TMEM131: variants seen among roughly 807,000 people sequenced by gnomAD.
The protein encoded by TMEM131 is 2610524E03Rik.
A neutral mutation model predicts 211.6 loss-of-function variants in TMEM131; 66 were observed. That is an observed-to-expected ratio of 0.31 (90% CI 0.26 to 0.38). The LOEUF (loss-of-function observed/expected upper bound fraction) is 0.38, where lower values mean the gene tolerates loss of function less well. Ranked by LOEUF, TMEM131 falls within the 10% of genes least tolerant of loss-of-function variation. The pLI, the probability that TMEM131 is intolerant of heterozygous loss-of-function variation, is 1.00. For missense variants in TMEM131, 2,036 were observed against 2,299.3 expected, an observed-to-expected ratio of 0.89 and a Z score of 2.34; for synonymous variants, 844 against 841.3, an observed-to-expected ratio of 1.00 and a Z score of -0.06.
chr2:97,774,399 A>C (rs1418315248), intron 32 of TMEM131, among the ~76,000 whole-genome samples: 1 of 152,266 alleles, frequency 6.6e-6, no homozygotes, highest in Non-Finnish European at 1.5e-5. Context: ...TTAGCTGGGA[A>C]GAAAATACAC....
chr2:97,923,411 C>T (rs978055053), intron 2 of TMEM131, among the ~76,000 whole-genome samples: 5 of 151,736 alleles, frequency 3.3e-5, no homozygotes, highest in Non-Finnish European at 7.4e-5. Flanking sequence ...CTGCTTGAGC[C>T]CAGGAGTTTG....
At chr2:97,932,648 A>T (rs1291231488) in intron 1 of TMEM131, among the ~76,000 whole-genome samples, 2 of 152,184 alleles carry the variant, frequency 1.3e-5, no homozygotes, top group African/African-American at 2.4e-5. Flanking sequence ...TAAGTCATCT[A>T]AAAAGATCTG....
intron 8 of TMEM131, among the ~76,000 whole-genome samples, chr2:97,835,240 G>C (rs749453126): frequency 6.6e-6 from 1 of 152,166 alleles, no homozygotes; most frequent in African/African-American, 2.4e-5. Flanking sequence ...TACAAAATCA[G>C]TTATTTTTTA....
In TMEM131 at chr2:97,885,498, G is replaced by T. The variant is rs1374049895; in HGVS notation, c.359+2554C>A. ...CCACCGCGCCCGGCCGTTTGTGAAAGATTTTAATTCTTTTTTATTTCTGAA... is the reference window on the plus strand; with the variant it reads ...CCACCGCGCCCGGCCGTTTGTGAAATATTTTAATTCTTTTTTATTTCTGAA... On this transcript the variant is annotated intron_variant, in intron 4 of 40. Transcript: ENST00000186436. Among the ~76,000 whole-genome samples, 6 of 152,292 alleles carry T rather than the reference G, an allele frequency of 3.9e-5. No individual in the cohort carries two copies. In the South Asian group the frequency reaches 8.3e-4, roughly 21 times the overall value.
At chr2:97,776,207 C>G (rs1679720320) in intron 31 of TMEM131, among the ~76,000 whole-genome samples, 189 bp from the exon 32 acceptor site, 3 of 152,102 alleles carry the variant, frequency 2.0e-5, no homozygotes, top group Non-Finnish European at 4.4e-5. Flanking sequence ...GCGCCCGCCA[C>G]CATGCCCAGC....
chr2:97,922,444 C>T (rs1451378806), intron 2 of TMEM131, among the ~76,000 whole-genome samples: 1 of 152,034 alleles, frequency 6.6e-6, no homozygotes, highest in East Asian at 1.9e-4. Context: ...TTATTCTTAA[C>T]AGCAAAAAAC....
chr2:97,911,131 A>C (rs1676275106), intron 2 of TMEM131, among the ~76,000 whole-genome samples: 2 of 152,316 alleles, frequency 1.3e-5, no homozygotes, highest in South Asian at 4.1e-4. Flanking sequence ...TAAGCTATTG[A>C]TATACAAAAC....
chr2:97,759,131 G>A, intron 39 of TMEM131, 78 bp from the exon 40 acceptor site: 4 of 1,560,138 alleles, frequency 2.6e-6, no homozygotes, highest in Non-Finnish European at 3.5e-6. Flanking sequence ...TTCACTCAAT[G>A]GCATACCTCC....
intron 31 of TMEM131, among the ~76,000 whole-genome samples, chr2:97,784,440 T>C (rs931535993): frequency 6.6e-6 from 1 of 151,628 alleles, no homozygotes; most frequent in Non-Finnish European, 1.5e-5. Context: ...TAGAAAGCAA[T>C]AACAGAAAGA....
chr2:97,816,081 C>T (rs949033405), intron 12 of TMEM131, among the ~76,000 whole-genome samples: 5 of 152,194 alleles, frequency 3.3e-5, no homozygotes, highest in African/African-American at 7.2e-5. Context: ...TGCCTCACAT[C>T]GGTAATCCCA....
At chr2:97,841,556 T>C (rs1197171795) in intron 7 of TMEM131, among the ~76,000 whole-genome samples, 1 of 152,210 alleles carries the variant, frequency 6.6e-6, no homozygotes, top group Non-Finnish European at 1.5e-5. Flanking sequence ...CTGCCTAAAC[T>C]ATAACACCAG....
intron 7 of TMEM131, among the ~76,000 whole-genome samples, chr2:97,838,791 G>A (rs1023275561): frequency 3.9e-5 from 6 of 152,138 alleles, no homozygotes; most frequent in African/African-American, 1.4e-4. Flanking sequence ...GGGCCGGGGA[G>A]TTGCTGCTGT....
intron 1 of TMEM131, among the ~76,000 whole-genome samples, chr2:97,980,468 C>T (rs1470567993): frequency 1.3e-5 from 2 of 152,200 alleles, no homozygotes; most frequent in East Asian, 3.8e-4. Flanking sequence ...CTCTCATACA[C>T]TTCTTATGGG....
intron 1 of TMEM131, among the ~76,000 whole-genome samples, chr2:97,959,988 C>T (rs1296054407): frequency 1.3e-5 from 2 of 152,094 alleles, no homozygotes; most frequent in African/African-American, 4.8e-5. Context: ...TGATTAGATT[C>T]AGGGCAAATA....
At chr2:97,921,015 T>C (rs147434498) in intron 2 of TMEM131, among the ~76,000 whole-genome samples, 146 of 147,144 alleles carry the variant, frequency 9.9e-4, no homozygotes, top group African/African-American at 3.5e-3. Flanking sequence ...GTAAAGCTAA[T>C]TGAAAAGATA....
At chr2:97,797,134 G>C in intron 26 of TMEM131, 148 bp from the exon 27 acceptor site, 1 of 990,362 alleles carries the variant, frequency 1.0e-6, no homozygotes, top group Non-Finnish European at 1.5e-6. Flanking sequence ...AAAATACACA[G>C]AGAAGAGCAA....
At chr2:97,791,317 T>C (rs1400897026) in intron 31 of TMEM131, among the ~76,000 whole-genome samples, 2 of 152,148 alleles carry the variant, frequency 1.3e-5, no homozygotes, top group Non-Finnish European at 2.9e-5. Flanking sequence ...GGACCACACT[T>C]CGAATGAGCA....
intron 3 of TMEM131, among the ~76,000 whole-genome samples, chr2:97,898,806 T>C (rs903013804): frequency 3.3e-5 from 5 of 152,194 alleles, no homozygotes; most frequent in Non-Finnish European, 2.9e-5. Flanking sequence ...CCCATGAGTA[T>C]TGAAAAGCTT....
At chr2:97,814,585 C>T (rs1388616986) in intron 13 of TMEM131, among the ~76,000 whole-genome samples, 197 bp from the exon 14 acceptor site, 1 of 151,592 alleles carries the variant, frequency 6.6e-6, no homozygotes, top group Non-Finnish European at 1.5e-5. Flanking sequence ...GAAATTAATA[C>T]AAACAACCAT....
Sources: gnomAD v4.1 joint callset for allele counts (sites outside exome capture counted in the v4.1 genomes callset) on GRCh38, gnomAD v4.1.1 for gene constraint, MANE v1.5 for transcripts, NCBI Gene and HGNC (gene_info 2026-07-23, HGNC 2026-07-21) for gene names.